NAB1: variants seen among roughly 807,000 people sequenced by gnomAD.
NAB1 encodes NGFI-A binding protein 1.
A neutral mutation model predicts 49.9 loss-of-function variants in NAB1; 25 were observed. That is an observed-to-expected ratio of 0.50 (90% CI 0.37 to 0.70). The LOEUF (loss-of-function observed/expected upper bound fraction) is 0.70. Ranked by LOEUF, NAB1 falls within the 30% of genes least tolerant of loss-of-function variation. The pLI is 0.00. For synonymous variants in NAB1, 198 were observed against 215.6 expected (o/e 0.92, Z 0.71); for missense variants, 489 against 575.9 (o/e 0.85, Z 1.54).
At position 190,679,452 on chromosome 2, in the gene NAB1, G is replaced by T. The variant is rs1014247890; in HGVS notation, c.1006-4286G>T. Among the ~76,000 whole-genome samples the T allele has an allele frequency of 6.6e-6, 1 of 152,064 alleles. No individual in the cohort carries two copies. Among genetic ancestry groups the T allele is most frequent in the Non-Finnish European group, 1.5e-5 (1 of 68,006 alleles). On this transcript the variant is annotated intron_variant, in intron 6 of 9. Transcript: ENST00000337386. The surrounding 1 kb of genome is among the most constrained non-coding windows in gnomAD (Gnocchi z 5.3). ...CTTTTATTTATCTTTATTAATGGTG[G>T]AATAGTGTCCATTTTCTAGCAACTT... is the stretch of plus-strand genomic sequence containing the variant.
In NAB1 at chr2:190,659,867, A is replaced by G; in HGVS notation, c.691A>G (p.Met231Val). The change falls in exon 4 of 10, where the codon ATG (methionine) becomes GTG (valine). Residue 231 changes from methionine to valine, a missense_variant. Physicochemically the swap from Met to Val is conservative, Grantham distance 21. Around this residue, in one of 4 missense-constraint regions of NAB1, gnomAD observed 204 missense variants for 220.9 expected, o/e 0.92. Coordinates refer to ENST00000337386, the MANE Select transcript of NAB1 (RefSeq NM_005966.4). The surrounding 1 kb of genome is among the most constrained non-coding windows in gnomAD (Gnocchi z 6.2). ...LLKTNKKLAKMIGHIFEMNDD... is the reference protein window; with the variant it reads ...LLKTNKKLAKVIGHIFEMNDD... ...AAAAACCAACAAGAAGTTGGCCAAAATGATTGGTCACATCTTTGAGATGAA... is the reference window on the plus strand; with the variant it reads ...AAAAACCAACAAGAAGTTGGCCAAAGTGATTGGTCACATCTTTGAGATGAA... 5 of 1,614,228 alleles carry G rather than the reference A, an allele frequency of 3.1e-6. No homozygotes were observed. Among genetic ancestry groups the G allele is most frequent in the Non-Finnish European group, 4.2e-6 (5 of 1,180,036 alleles).
chr2:190,678,810 A>G lies in NAB1; in HGVS notation c.1006-4928A>G, dbSNP rs1457073540. ...TCCCCTCTGGATCAGAAAAAACAGA[A>G]GCATTACAATATGCTATTCATACAG... On this transcript the variant is annotated intron_variant, in intron 6 of 9. Coordinates refer to ENST00000337386, the MANE Select transcript of NAB1 (RefSeq NM_005966.4). The surrounding 1 kb of genome is among the most constrained non-coding windows in gnomAD (Gnocchi z 4.9). Among the ~76,000 whole-genome samples the G allele has an allele frequency of 1.3e-5, 2 of 152,226 alleles. No individual in the cohort carries two copies. Among genetic ancestry groups the G allele is most frequent in the Admixed American group, 1.3e-4 (2 of 15,280 alleles).
rs1339181433 is a variant in NAB1 at position 190,675,666 on chromosome 2, G to A, written c.1005+2514G>A. Among the ~76,000 whole-genome samples the A allele has an allele frequency of 6.6e-6, 1 of 152,070 alleles. No homozygotes were observed. Among genetic ancestry groups the A allele is most frequent in the Admixed American group, 6.6e-5 (1 of 15,256 alleles). On this transcript the variant is annotated intron_variant, in intron 6 of 9. Coordinates refer to ENST00000337386, the MANE Select transcript of NAB1 (RefSeq NM_005966.4). This position sits in a 1 kb window ranked among gnomAD's most constrained non-coding sequence, Gnocchi z 5.2. The stretch of plus-strand genomic sequence containing the variant: ...TTCCTAAATAAGACAAGCGACAATC[G>A]GCCCCAGGCTTCTTTAAATGCTTTT...
rs1017677631 is a variant in NAB1 at position 190,685,841 on chromosome 2, T to G, written c.1258+203T>G. On this transcript the variant is annotated intron_variant, in intron 8 of 9. Transcript: ENST00000337386. This position sits in a 1 kb window ranked among gnomAD's most constrained non-coding sequence, Gnocchi z 4.5. ...TTTAATTTGTAAATTTTTTAATCTT[T>G]AAGCAGTTGGCACCTGAGATTGACA... is the stretch of plus-strand genomic sequence containing the variant. Among the ~76,000 whole-genome samples the G allele has an allele frequency of 6.6e-6, 1 of 152,240 alleles. No individual in the cohort carries two copies. The highest frequency in any genetic ancestry group is 1.5e-5 in the Non-Finnish European group (1 of 68,034).
rs745800126 is a variant in NAB1, at chr2:190,680,787, A to G, written c.1006-2951A>G. Among the ~76,000 whole-genome samples the G allele has an allele frequency of 8.5e-5, 13 of 152,134 alleles. No individual in the cohort carries two copies. Among genetic ancestry groups the G allele is most frequent in the African/African-American group, 2.9e-4 (12 of 41,420 alleles). On this transcript the variant is annotated intron_variant, in intron 6 of 9. Transcript: ENST00000337386. The surrounding 1 kb of genome is among the most constrained non-coding windows in gnomAD (Gnocchi z 5.2). Reference sequence around the variant, plus strand: ...TCCATAAAATTTCTCTTTTTTCCCCAGTATGATGCTTTACTCTGATTAAAT... The same window carrying G: ...TCCATAAAATTTCTCTTTTTTCCCCGGTATGATGCTTTACTCTGATTAAAT...
chr2:190,688,964 G>A (rs991004169), intron 9 of NAB1, among the ~76,000 whole-genome samples: 30 of 151,616 alleles, frequency 2.0e-4, no homozygotes, highest in Admixed American at 1.4e-3. Flanking sequence ...TCAGCCTCCC[G>A]AGTAGCTAGG....
chr2:190,658,879 C>T (rs983280241), intron 3 of NAB1, among the ~76,000 whole-genome samples: 6 of 152,334 alleles, frequency 3.9e-5, no homozygotes, highest in African/African-American at 1.4e-4. Flanking sequence ...GCCAAAAATA[C>T]GGGACATGGA....
rs986924971 is a variant in NAB1, at chr2:190,652,190, T to C, written c.-197+2208T>C. ...GAATTCACACAGCTAAAACATGCCA[T>C]TAAGCTTTCAAAGAGTTTGTCATTT... On this transcript the variant is annotated intron_variant, in intron 2 of 9. Coordinates refer to ENST00000337386, the MANE Select transcript of NAB1 (RefSeq NM_005966.4). This position sits in a 1 kb window ranked among gnomAD's most constrained non-coding sequence, Gnocchi z 4.2. Among the ~76,000 whole-genome samples the C allele has an allele frequency of 6.6e-6, 1 of 152,318 alleles. No individual in the cohort carries two copies. Among genetic ancestry groups the C allele is most frequent in the East Asian group, 1.9e-4 (1 of 5,192 alleles).
intron 8 of NAB1, among the ~76,000 whole-genome samples, 157 bp from the exon 9 acceptor site, chr2:190,687,044 A>T (rs1488373245): frequency 6.6e-6 from 1 of 152,092 alleles, no homozygotes; most frequent in Non-Finnish European, 1.5e-5. Context: ...CTCTTAAATT[A>T]TTATTTAAAA....
At position 190,685,956 on chromosome 2, in the gene NAB1, A is replaced by T. The variant is rs1198116832; in HGVS notation, c.1258+318A>T. On this transcript the variant is annotated intron_variant, in intron 8 of 9. Coordinates refer to ENST00000337386, the MANE Select transcript of NAB1 (RefSeq NM_005966.4). This position sits in a 1 kb window ranked among gnomAD's most constrained non-coding sequence, Gnocchi z 4.5. ...GAAGCAGATTCCGGGAGAGATGTTT[A>T]TCCTTTTTAAATGACCAAAACTTCA... 6.6e-6 allele frequency among the ~76,000 whole-genome samples: 1 copy of T among 151,832 alleles called. No homozygotes were observed. The highest frequency in any genetic ancestry group is 1.5e-5 in the Non-Finnish European group (1 of 68,028).
chr2:190,673,218 T>C, intron 6 of NAB1, 66 bp downstream of exon 6: 1 of 1,460,418 alleles, frequency 6.8e-7, no homozygotes, highest in Non-Finnish European at 9.6e-7. Flanking sequence ...TCAAGCAAAA[T>C]CTTAACTAGT....
chr2:190,690,131 A>G, intron 9 of NAB1, 114 bp from the exon 10 acceptor site: 1 of 751,674 alleles, frequency 1.3e-6, no homozygotes, highest in Non-Finnish European at 2.2e-6. Flanking sequence ...TTACAGAATC[A>G]TGAATAGTTG....
rs138364420 is a variant in NAB1 at position 190,680,532 on chromosome 2, C to T, written c.1006-3206C>T. ...CCTCCCTGGACTGTGTTGTCAGGAG[C>T]GCCTGAGGCATGGCCATCTTGTTTG... On this transcript the variant is annotated intron_variant, in intron 6 of 9. Coordinates refer to ENST00000337386, the MANE Select transcript of NAB1 (RefSeq NM_005966.4). The surrounding 1 kb of genome is among the most constrained non-coding windows in gnomAD (Gnocchi z 5.2). Among the ~76,000 whole-genome samples, 4 of 152,320 alleles carry T rather than the reference C, an allele frequency of 2.6e-5. No individual in the cohort carries two copies. Among genetic ancestry groups the T allele is most frequent in the South Asian group, 4.1e-4 (2 of 4,826 alleles).
In NAB1 at chr2:190,659,028, C is replaced by A; in HGVS notation, c.-19-130C>A. 1 of 623,418 alleles carries A rather than the reference C, an allele frequency of 1.6e-6. No individual in the cohort carries two copies. Among genetic ancestry groups the A allele is most frequent in the Middle Eastern group, 4.2e-4 (1 of 2,384 alleles). The allele number at this position is 623,418 out of a possible 1,614,324, so 38.6% of individuals were successfully genotyped here. A position where few individuals can be genotyped will look rare whatever the true frequency, so the allele number is the denominator to read the frequency against. On this transcript the variant is annotated intron_variant, in intron 3 of 9. Coordinates refer to ENST00000337386, the MANE Select transcript of NAB1 (RefSeq NM_005966.4). This position sits in a 1 kb window ranked among gnomAD's most constrained non-coding sequence, Gnocchi z 6.2. ...TGAGATAAAGTATGTAGAGAGAATG[C>A]TGCCTTCACAGGCAGTCACGATGCA...
chr2:190,665,931 C>CT (rs1453131288), intron 4 of NAB1, among the ~76,000 whole-genome samples: 1 of 152,130 alleles, frequency 6.6e-6, no homozygotes, highest in Non-Finnish European at 1.5e-5. Context: ...TTCTGATGGG[C>CT]TGTGGGCTTT....
At position 190,683,683 on chromosome 2, in the gene NAB1, A is replaced by T. The variant is rs1695466527; in HGVS notation, c.1006-55A>T. 2.3e-6 allele frequency: 3 copies of T among 1,280,280 alleles called. No individual in the cohort carries two copies. In the East Asian group the frequency reaches 7.1e-5, roughly 30 times the overall value. 79.3% of individuals were successfully genotyped at this position (1,280,280 alleles called of 1,614,324 possible). On this transcript the variant is annotated intron_variant, in intron 6 of 9. Coordinates refer to ENST00000337386, the MANE Select transcript of NAB1 (RefSeq NM_005966.4). ...TTTGCTTTATTTTCAAGTTTTTGAT[A>T]ATATTTTATTATTTACAAACTCTAA...
chr2:190,667,502 T>C lies in NAB1; in HGVS notation c.820-2824T>C, dbSNP rs1316550955. ...CATTTCACTTTTAACTCCAATAACA[T>C]TGTGCCTTTCAAAGGCACTTAGGGG... On this transcript the variant is annotated intron_variant, in intron 4 of 9. Coordinates refer to ENST00000337386, the MANE Select transcript of NAB1 (RefSeq NM_005966.4). The surrounding 1 kb of genome is among the most constrained non-coding windows in gnomAD (Gnocchi z 4.4). Among the ~76,000 whole-genome samples, 4 of 152,240 alleles carry C rather than the reference T, an allele frequency of 2.6e-5. No homozygotes were observed. The highest frequency in any genetic ancestry group is 1.9e-4 in the East Asian group (1 of 5,192).
rs1694720831 is a variant in NAB1 at position 190,669,959 on chromosome 2, G to A, written c.820-367G>A. On this transcript the variant is annotated intron_variant, in intron 4 of 9. Coordinates refer to ENST00000337386, the MANE Select transcript of NAB1 (RefSeq NM_005966.4). The surrounding 1 kb of genome is among the most constrained non-coding windows in gnomAD (Gnocchi z 4.3). ...GACCATCTACATTCATTTTTGGTTA[G>A]AGAAATGGTGTCAGCAAATCCTGTA... 6.6e-6 allele frequency among the ~76,000 whole-genome samples: 1 copy of A among 152,166 alleles called. No individual in the cohort carries two copies. The highest frequency in any genetic ancestry group is 2.1e-4 in the South Asian group (1 of 4,826).
chr2:190,675,222 A>C lies in NAB1; in HGVS notation c.1005+2070A>C, dbSNP rs924756952. 6.6e-6 allele frequency among the ~76,000 whole-genome samples: 1 copy of C among 152,218 alleles called. No homozygotes were observed. Among genetic ancestry groups the C allele is most frequent in the Non-Finnish European group, 1.5e-5 (1 of 68,032 alleles). On this transcript the variant is annotated intron_variant, in intron 6 of 9. Transcript: ENST00000337386. The surrounding 1 kb of genome is among the most constrained non-coding windows in gnomAD (Gnocchi z 5.2). ...GTTGCTAGGCTAGAAATATGTCTCT[A>C]TCTATTTCTCACCATTGGCCCTAAG...
Sources: gnomAD v4.1 joint callset for allele counts (sites outside exome capture counted in the v4.1 genomes callset) on GRCh38, gnomAD v4.1.1 for gene constraint, gnomAD v4.1.1 regional missense constraint, Gnocchi (gnomAD v3.1) non-coding constraint, MANE v1.5 for transcripts, NCBI Gene and HGNC (gene_info 2026-07-23, HGNC 2026-07-21) for gene names.